KIF6: variants seen among roughly 807,000 people sequenced by gnomAD.
The protein encoded by KIF6 is kinesin-like protein KIF6.
KIF6 carries 106 observed loss-of-function variants against 112.7 expected under a neutral mutation model. That is an observed-to-expected ratio of 0.94 (90% CI 0.80 to 1.11). The LOEUF (loss-of-function observed/expected upper bound fraction) is 1.11, where lower values mean the gene tolerates loss of function less well. Among genes scored for constraint, KIF6 ranks in the 50% least tolerant of loss-of-function variants. The probability of loss-of-function intolerance (pLI) is 0.00; values close to 1 mark genes in which losing one functional copy is unlikely to be tolerated. For missense variants in KIF6, 929 were observed against 964.0 expected, an observed-to-expected ratio of 0.96 and a Z score of 0.48; for synonymous variants, 339 against 339.9, an observed-to-expected ratio of 1.00 and a Z score of 0.03.
chr6:39,343,544 C>A lies in KIF6; in HGVS notation c.2428+165G>T. 7.2e-7 allele frequency: 1 copy of A among 1,382,026 alleles called. No individual in the cohort carries two copies. Among genetic ancestry groups the A allele is most frequent in the Non-Finnish European group, 9.8e-7 (1 of 1,023,706 alleles). 85.6% of individuals were successfully genotyped at this position (1,382,026 alleles called of 1,614,324 possible). On this transcript the variant is annotated intron_variant, in intron 22 of 22. Coordinates refer to ENST00000287152, the MANE Select transcript of KIF6 (RefSeq NM_145027.6). The surrounding 1 kb of genome is among the most constrained non-coding windows in gnomAD (Gnocchi z 4.1). ...CTGATGCTGCCCCTTGAGGCTTTCT[C>A]GAGAAGGAATCAGAGGCTGGGCACA...
chr6:39,385,092 G>T (rs900387997), intron 16 of KIF6, among the ~76,000 whole-genome samples: 2 of 152,192 alleles, frequency 1.3e-5, no homozygotes, highest in African/African-American at 2.4e-5. Flanking sequence ...ACAGAACTGG[G>T]TTCAAATACT....
At chr6:39,590,404 T>C (rs1325634055) in intron 7 of KIF6, among the ~76,000 whole-genome samples, 1 of 146,492 alleles carries the variant, frequency 6.8e-6, no homozygotes, top group Non-Finnish European at 1.5e-5. Context: ...TGATGATATA[T>C]ATATATGTGT....
chr6:39,582,722 C>T (rs1173883807), intron 9 of KIF6, among the ~76,000 whole-genome samples: 6 of 152,068 alleles, frequency 3.9e-5, no homozygotes, highest in Non-Finnish European at 8.8e-5. Flanking sequence ...GCCTGAGGTA[C>T]CAATACTTTT....
chr6:39,502,304 A>C (rs893159012), intron 13 of KIF6, among the ~76,000 whole-genome samples: 10 of 152,210 alleles, frequency 6.6e-5, no homozygotes, highest in African/African-American at 2.4e-4. Context: ...ATTTGGTACC[A>C]CAAGACCTGC....
At chr6:39,555,832 T>G (rs1367834983) in intron 10 of KIF6, among the ~76,000 whole-genome samples, 1 of 151,352 alleles carries the variant, frequency 6.6e-6, no homozygotes, top group Non-Finnish European at 1.5e-5. Context: ...TGCATGCCTG[T>G]AATCCCAGTT....
intron 17 of KIF6, 24 bp from the exon 18 acceptor site, chr6:39,360,554 C>A: frequency 1.2e-6 from 2 of 1,613,960 alleles, no homozygotes; most frequent in South Asian, 1.1e-5. Flanking sequence ...GGGGAAGAGT[C>A]AGGGCACTGC....
intron 13 of KIF6, among the ~76,000 whole-genome samples, chr6:39,521,163 C>A (rs1349052000): frequency 6.6e-6 from 1 of 152,200 alleles, no homozygotes; most frequent in Non-Finnish European, 1.5e-5. Context: ...TGTCTCTCAT[C>A]ACAGGATGAA....
chr6:39,613,569 T>A (rs1783340546), intron 5 of KIF6, among the ~76,000 whole-genome samples: 2 of 152,218 alleles, frequency 1.3e-5, no homozygotes, highest in South Asian at 4.1e-4. Context: ...ATTGTAATAA[T>A]CAGATCGCTA....
intron 13 of KIF6, among the ~76,000 whole-genome samples, chr6:39,468,034 C>A (rs1426930144): frequency 6.6e-6 from 1 of 151,958 alleles, no homozygotes; most frequent in East Asian, 1.9e-4. Flanking sequence ...TTTTTAAAAA[C>A]CAAATTGAAA....
intron 15 of KIF6, among the ~76,000 whole-genome samples, chr6:39,397,080 G>T (rs1005368513): frequency 1.3e-5 from 2 of 152,130 alleles, no homozygotes; most frequent in Non-Finnish European, 2.9e-5. Flanking sequence ...CCAAATCAGG[G>T]TTTCACAAAG....
At chr6:39,666,783 CTG>C (rs1229949838) in intron 3 of KIF6, among the ~76,000 whole-genome samples, 8 of 152,168 alleles carry the variant, frequency 5.3e-5, no homozygotes, top group African/African-American at 1.9e-4. Flanking sequence ...CATTTTTCGC[CTG>C]TGTTTTCACT....
intron 13 of KIF6, among the ~76,000 whole-genome samples, chr6:39,528,736 C>CA (rs1777881646): frequency 1.3e-5 from 2 of 152,248 alleles, no homozygotes; most frequent in South Asian, 4.2e-4. Flanking sequence ...TGATATTGAA[C>CA]ATTTTTTCAT....
At chr6:39,642,898 T>C (rs1196022525) in intron 3 of KIF6, among the ~76,000 whole-genome samples, 2 of 152,060 alleles carry the variant, frequency 1.3e-5, no homozygotes, top group East Asian at 1.9e-4. Context: ...GTTACAAACT[T>C]CCTCAGCATT....
chr6:39,472,040 C>G (rs984392479), intron 13 of KIF6, among the ~76,000 whole-genome samples: 2 of 152,134 alleles, frequency 1.3e-5, no homozygotes, highest in Non-Finnish European at 2.9e-5. Context: ...CAGGAGCCAC[C>G]CTTCCACTCC....
intron 15 of KIF6, among the ~76,000 whole-genome samples, chr6:39,386,003 G>A (rs1767385194): frequency 6.6e-6 from 1 of 152,122 alleles, no homozygotes. Context: ...ATTAATAAAG[G>A]GAAAAGCAGA....
intron 13 of KIF6, among the ~76,000 whole-genome samples, chr6:39,514,444 C>T (rs1161143808): frequency 6.6e-6 from 1 of 152,138 alleles, no homozygotes; most frequent in Non-Finnish European, 1.5e-5. Context: ...GAGATCGAAA[C>T]GGTCAGAAAA....
In KIF6 at chr6:39,535,183, T is replaced by G. The variant is rs556725171; in HGVS notation, c.1645+4820A>C. Among the ~76,000 whole-genome samples, 363 of 152,284 alleles carry G rather than the reference T, an allele frequency of 2.4e-3. 1 individual carries two copies. Among genetic ancestry groups the G allele is most frequent in the Non-Finnish European group, 4.0e-3 (275 of 68,030 alleles). On this transcript the variant is annotated intron_variant, in intron 13 of 22. Transcript: ENST00000287152. ...GGAGCAAAATAACCAGCTGACATCATAATGACAGGATCAAATTCACACATA... is the reference window on the plus strand; with the variant it reads ...GGAGCAAAATAACCAGCTGACATCAGAATGACAGGATCAAATTCACACATA...
At chr6:39,366,030 C>T (rs1278182326) in intron 16 of KIF6, among the ~76,000 whole-genome samples, 3 of 152,248 alleles carry the variant, frequency 2.0e-5, no homozygotes, top group Admixed American at 6.5e-5. Context: ...GACTGGTTGT[C>T]TTTTCCTTGG....
intron 12 of KIF6, among the ~76,000 whole-genome samples, chr6:39,542,198 T>C (rs530757332): frequency 3.3e-4 from 51 of 152,328 alleles, no homozygotes; most frequent in African/African-American, 1.2e-3. Context: ...TGCGTTCTGA[T>C]GTACATTTCA....
Sources: gnomAD v4.1 joint callset for allele counts (sites outside exome capture counted in the v4.1 genomes callset) on GRCh38, gnomAD v4.1.1 for gene constraint, Gnocchi (gnomAD v3.1) non-coding constraint, MANE v1.5 for transcripts, NCBI Gene and HGNC (gene_info 2026-07-23, HGNC 2026-07-21) for gene names.